Variants in TEX10 observed in about 807,000 individuals in gnomAD.
TEX10 encodes the protein testis-expressed protein 10.
TEX10 carries 24 observed loss-of-function variants against 104.4 expected under a neutral mutation model. The observed-to-expected ratio is 0.23, with a 90% CI of 0.17 to 0.32. The LOEUF (loss-of-function observed/expected upper bound fraction) is 0.32. TEX10 is among the 10% of genes least tolerant of loss of function. TEX10 has a pLI of 1.00. For synonymous variants in TEX10, 396 were observed against 393.4 expected, an observed-to-expected ratio of 1.01 and a Z score of -0.08; for missense variants, 921 against 1,083.9, an observed-to-expected ratio of 0.85 and a Z score of 2.11.
At chr9:100,316,557 G>C (rs1320364880) in intron 11 of TEX10, among the ~76,000 whole-genome samples, 1 of 152,034 alleles carries the variant, frequency 6.6e-6, no homozygotes, top group Admixed American at 6.6e-5. Context: ...AAAAATAAAA[G>C]ACATCCAAAT....
intron 4 of TEX10, among the ~76,000 whole-genome samples, chr9:100,341,770 A>G (rs1174735801): frequency 6.6e-6 from 1 of 152,224 alleles, no homozygotes; most frequent in African/African-American, 2.4e-5. Flanking sequence ...GGGGAAAGGA[A>G]ACGAAATGTA....
chr9:100,352,825 C>G lies in TEX10; in HGVS notation c.-63G>C. On this transcript the variant is annotated 5_prime_UTR_variant, in exon 1 of 15. Transcript: ENST00000374902. ...AAGCCCGAGAAGACAAGCGAGGGAG[C>G]AGAAGCCCACGGGGCAACAGCGTGC... The G allele has an allele frequency of 9.6e-7, 1 of 1,041,226 alleles. No homozygotes were observed. The highest frequency in any genetic ancestry group is 1.2e-6 in the Non-Finnish European group (1 of 868,476). 64.5% of individuals were successfully genotyped at this position (1,041,226 alleles called of 1,614,324 possible).
At chr9:100,314,870 C>A (rs1035313601) in intron 11 of TEX10, among the ~76,000 whole-genome samples, 4 of 152,174 alleles carry the variant, frequency 2.6e-5, no homozygotes, top group Non-Finnish European at 4.4e-5. Flanking sequence ...AGTTCCCTCT[C>A]AGCACTGCTT....
intron 10 of TEX10, 37 bp downstream of exon 10, chr9:100,321,646 T>G (rs1304207303): frequency 3.3e-6 from 5 of 1,532,286 alleles, no homozygotes; most frequent in Non-Finnish European, 4.5e-6. Context: ...TCATATTAGG[T>G]TTTTTCTTTT....
intron 11 of TEX10, among the ~76,000 whole-genome samples, chr9:100,318,438 A>C (rs1459020909): frequency 6.6e-6 from 1 of 152,190 alleles, no homozygotes; most frequent in African/African-American, 2.4e-5. Context: ...AGAGTGTGAA[A>C]TGACATACAA....
At chr9:100,315,127 A>G (rs1834383642) in intron 11 of TEX10, among the ~76,000 whole-genome samples, 1 of 152,088 alleles carries the variant, frequency 6.6e-6, no homozygotes, top group Non-Finnish European at 1.5e-5. Flanking sequence ...TATACTTGGT[A>G]TGATTTTGAT....
At chr9:100,304,366 G>A (rs1020990251) in intron 13 of TEX10, 3 of 160,926 alleles carry the variant, frequency 1.9e-5, no homozygotes, top group African/African-American at 7.2e-5. Context: ...GGTAATGATA[G>A]AGAACAACAG....
intron 5 of TEX10, among the ~76,000 whole-genome samples, chr9:100,333,114 G>GC (rs1377867138): frequency 6.6e-6 from 1 of 152,038 alleles, no homozygotes; most frequent in Admixed American, 6.5e-5. Flanking sequence ...ACAGGAACAT[G>GC]CCACCACACC....
chr9:100,318,979 G>A (rs1046484552), intron 11 of TEX10, among the ~76,000 whole-genome samples: 14 of 151,918 alleles, frequency 9.2e-5, no homozygotes, highest in Admixed American at 3.9e-4. Flanking sequence ...ATCACCTGAG[G>A]TTAGGAATTC....
At chr9:100,345,699 T>C (rs367827004) in intron 4 of TEX10, among the ~76,000 whole-genome samples, 41 of 152,308 alleles carry the variant, frequency 2.7e-4, no homozygotes, top group African/African-American at 8.9e-4. Context: ...GTGGAATAAA[T>C]TGAAAGAGAC....
At chr9:100,352,291 C>A in intron 1 of TEX10, 1 of 1,480,438 alleles carries the variant, frequency 6.8e-7, no homozygotes, top group Non-Finnish European at 9.2e-7. Context: ...AGGGGCGACC[C>A]CAGAAAACTG....
intron 11 of TEX10, among the ~76,000 whole-genome samples, chr9:100,318,493 G>T (rs555808759): frequency 6.6e-6 from 1 of 152,174 alleles, no homozygotes; most frequent in Non-Finnish European, 1.5e-5. Flanking sequence ...GTGAATGATA[G>T]GAGATTACTT....
intron 13 of TEX10, chr9:100,304,893 A>G (rs1460121347): frequency 6.6e-6 from 1 of 152,208 alleles, no homozygotes; most frequent in East Asian, 1.9e-4. Flanking sequence ...TTAAGAATTC[A>G]TTACTAAGTC....
In TEX10 at chr9:100,321,747, A is replaced by G; in HGVS notation, c.2004T>C (p.Tyr668=). 1 of 1,612,606 alleles carries G rather than the reference A, an allele frequency of 6.2e-7. No homozygotes were observed. The highest frequency in any genetic ancestry group is 8.5e-7 in the Non-Finnish European group (1 of 1,179,668). The change falls in exon 10 of 15, where the codon TAT becomes TAC. Residue 668 remains tyrosine, a synonymous_variant. Transcript: ENST00000374902. ...HMRSSFSGWK[Y]SAKDWLMSDV... is the part of the protein sequence containing the mutation. The stretch of plus-strand genomic sequence containing the variant: ...CACTCATCAACCAGTCTTTAGCTGA[A>G]TACTTCCACCCAGAAAATGATGATC...
chr9:100,332,722 G>A (rs1369941944), intron 5 of TEX10, among the ~76,000 whole-genome samples: 1 of 152,000 alleles, frequency 6.6e-6, no homozygotes, highest in Non-Finnish European at 1.5e-5. Flanking sequence ...TCAGGAGGCT[G>A]AGCCAGGAGA....
intron 4 of TEX10, among the ~76,000 whole-genome samples, chr9:100,341,773 G>A (rs753603459): frequency 3.3e-5 from 5 of 152,174 alleles, no homozygotes; most frequent in Admixed American, 6.5e-5. Flanking sequence ...GAAAGGAAAC[G>A]AAATGTATAT....
chr9:100,306,405 C>G (rs1206494560), intron 13 of TEX10: 2 of 152,120 alleles, frequency 1.3e-5, no homozygotes, highest in Admixed American at 6.5e-5. Flanking sequence ...AAAGAGAGAA[C>G]AGTAAAAATA....
rs778164066 is a variant in TEX10 at position 100,310,286 on chromosome 9, T to A, written c.2283+13A>T. 7.4e-6 allele frequency: 12 copies of A among 1,612,562 alleles called. No homozygotes were observed. The highest frequency in any genetic ancestry group is 1.0e-5 in the Non-Finnish European group (12 of 1,178,888). ...GTGTTCATTCTTAAGAGAAAAAGTT[T>A]AAGGATACTTACCAAATGCTTACTG... On this transcript the variant is annotated intron_variant, in intron 12 of 14. Transcript: ENST00000374902.
chr9:100,352,611 C>T, intron 1 of TEX10, 161 bp downstream of exon 1: 1 of 1,482,210 alleles, frequency 6.7e-7, no homozygotes, highest in Non-Finnish European at 8.9e-7. Flanking sequence ...CGGCCGCACA[C>T]CCAGGCCCAG....
Sources: gnomAD v4.1 joint callset for allele counts (sites outside exome capture counted in the v4.1 genomes callset) on GRCh38, gnomAD v4.1.1 for gene constraint, MANE v1.5 for transcripts, NCBI Gene and HGNC (gene_info 2026-07-23, HGNC 2026-07-21) for gene names.